The following SENP2 variants were observed in gnomAD, a reference collection of about 807,000 sequenced individuals.
The protein encoded by SENP2 is sentrin-specific protease 2.
SENP2 carries 16 observed loss-of-function variants against 86.3 expected under a neutral mutation model. The observed-to-expected ratio is 0.19, with a 90% CI of 0.13 to 0.28. The LOEUF is 0.28. Ranked by LOEUF, SENP2 falls within the 10% of genes least tolerant of loss-of-function variation. SENP2 has a pLI of 1.00. For missense variants in SENP2, 552 were observed against 703.0 expected (o/e 0.79, Z 2.43); for synonymous variants, 222 against 238.7 (o/e 0.93, Z 0.64).
intron 10 of SENP2, among the ~76,000 whole-genome samples, chr3:185,613,944 A>G (rs1711507768): frequency 1.3e-5 from 2 of 151,984 alleles, no homozygotes; most frequent in Admixed American, 6.6e-5. Flanking sequence ...TGAGAGACCA[A>G]TCTGCCTCCA....
intron 10 of SENP2, 195 bp downstream of exon 10, chr3:185,613,603 G>C: frequency 2.7e-6 from 1 of 367,254 alleles, no homozygotes; most frequent in Non-Finnish European, 4.9e-6. Context: ...GGCCAAGGCA[G>C]AAGGATCACT....
chr3:185,586,535 G>A lies in SENP2; in HGVS notation c.101+21G>A. ...GACAGGTGAGACGAGAGGGGGCTGA[G>A]CGCCAGCCTGGCCTTACCCCCTCCC... On this transcript the variant is annotated intron_variant, in intron 1 of 16. Coordinates refer to ENST00000296257, the MANE Select transcript of SENP2 (RefSeq NM_021627.3). The surrounding 1 kb of genome is among the most constrained non-coding windows in gnomAD (Gnocchi z 4.3). 1 of 1,604,700 alleles carries A rather than the reference G, an allele frequency of 6.2e-7. No individual in the cohort carries two copies. Among genetic ancestry groups the A allele is most frequent in the Non-Finnish European group, 8.5e-7 (1 of 1,175,462 alleles).
In SENP2 at chr3:185,632,445, G is replaced by A. The variant is rs1220578439; in HGVS notation, c.*2601G>A. 1 of 151,986 alleles carries A rather than the reference G, an allele frequency of 6.6e-6. No individual in the cohort carries two copies. The highest frequency in any genetic ancestry group is 1.5e-5 in the Non-Finnish European group (1 of 68,150). 9.4% of individuals were successfully genotyped at this position (151,986 alleles called of 1,614,324 possible). A position where few individuals can be genotyped will look rare whatever the true frequency, so the allele number is the denominator to read the frequency against. On this transcript the variant is annotated 3_prime_UTR_variant, in exon 17 of 17. Transcript: ENST00000296257. The stretch of plus-strand genomic sequence containing the variant: ...AGATGGGGTTTCGCCATGTTGGCCA[G>A]GCTGGTCTTGAACTGCTGACCTCAG...
At chr3:185,621,106 G>A (rs1306475552) in intron 13 of SENP2, among the ~76,000 whole-genome samples, 5 of 138,528 alleles carry the variant, frequency 3.6e-5, no homozygotes, top group Non-Finnish European at 6.1e-5. Context: ...GCAGTGAGCC[G>A]TGATCACACC....
At chr3:185,615,668 T>A (rs1306505004) in intron 11 of SENP2, among the ~76,000 whole-genome samples, 1 of 152,064 alleles carries the variant, frequency 6.6e-6, no homozygotes, top group Admixed American at 6.6e-5. Flanking sequence ...TTCTATTGGG[T>A]TTATAGATTT....
intron 5 of SENP2, among the ~76,000 whole-genome samples, chr3:185,605,132 G>A (rs1722470266): frequency 6.6e-6 from 1 of 150,916 alleles, no homozygotes; most frequent in African/African-American, 2.4e-5. Flanking sequence ...CACTTTGGGA[G>A]GCTGAAGCGC....
intron 5 of SENP2, among the ~76,000 whole-genome samples, chr3:185,602,832 T>TAA (rs1156317272): frequency 0.016 from 1,002 of 62,952 alleles, 35 homozygotes; most frequent in African/African-American, 0.058. Flanking sequence ...GACTCTGTCT[T>TAA]AAAAAAAAAA....
chr3:185,619,910 T>C (rs1414943173), intron 13 of SENP2, among the ~76,000 whole-genome samples: 2 of 151,938 alleles, frequency 1.3e-5, no homozygotes, highest in Non-Finnish European at 2.9e-5. Context: ...TTTATTTATA[T>C]ATTTGGAAAG....
intron 5 of SENP2, among the ~76,000 whole-genome samples, chr3:185,603,955 C>T (rs1722429527): frequency 6.6e-6 from 1 of 152,072 alleles, no homozygotes; most frequent in African/African-American, 2.4e-5. Context: ...AACCCCATCT[C>T]TACTAAAATA....
At chr3:185,604,953 A>G (rs1459280216) in intron 5 of SENP2, among the ~76,000 whole-genome samples, 1 of 150,820 alleles carries the variant, frequency 6.6e-6, no homozygotes, top group East Asian at 2.0e-4. Context: ...TTGGGGTTCC[A>G]CCATGTTGGC....
intron 3 of SENP2, 40 bp downstream of exon 3, chr3:185,598,585 A>G (rs375162066): frequency 6.4e-7 from 1 of 1,559,814 alleles, no homozygotes; most frequent in Non-Finnish European, 8.7e-7. Flanking sequence ...ACTGATCTTT[A>G]TACTTAATCA....
chr3:185,628,293 T>C (rs971662387), intron 16 of SENP2, among the ~76,000 whole-genome samples: 18 of 151,970 alleles, frequency 1.2e-4, no homozygotes, highest in African/African-American at 4.4e-4. Context: ...TGTACCACCA[T>C]GCCTGGCTAA....
intron 6 of SENP2, chr3:185,606,735 T>C: frequency 1.9e-6 from 1 of 526,816 alleles, no homozygotes. Context: ...CTTATGAGAT[T>C]GTCCAGATCA....
intron 3 of SENP2, 62 bp downstream of exon 3, chr3:185,598,607 A>G (rs981346975): frequency 1.5e-5 from 22 of 1,511,664 alleles, no homozygotes; most frequent in Non-Finnish European, 2.0e-5. Flanking sequence ...TATATTTTAG[A>G]AAATTCTCTC....
intron 5 of SENP2, among the ~76,000 whole-genome samples, chr3:185,601,203 C>T (rs1448087268): frequency 4.6e-5 from 7 of 151,912 alleles, no homozygotes; most frequent in Admixed American, 2.6e-4. Flanking sequence ...CCACACCATG[C>T]CCGGCTAATT....
intron 9 of SENP2, among the ~76,000 whole-genome samples, 181 bp downstream of exon 9, chr3:185,612,839 G>A (rs1025411369): frequency 6.6e-6 from 1 of 152,260 alleles, no homozygotes; most frequent in African/African-American, 2.4e-5. Context: ...AGCCTGGTGG[G>A]TTGAGGGGGG....
intron 11 of SENP2, among the ~76,000 whole-genome samples, chr3:185,616,007 C>T (rs990150028): frequency 3.3e-5 from 5 of 151,830 alleles, no homozygotes; most frequent in East Asian, 2.0e-4. Flanking sequence ...GGACTACAGG[C>T]GCGTGCCACC....
At chr3:185,628,123 C>A (rs1712231615) in intron 16 of SENP2, among the ~76,000 whole-genome samples, 1 of 151,966 alleles carries the variant, frequency 6.6e-6, no homozygotes, top group African/African-American at 2.4e-5. Context: ...GGGAGGACAT[C>A]ACTAGTTTAT....
chr3:185,589,804 C>G (rs1721916858), intron 1 of SENP2, among the ~76,000 whole-genome samples: 1 of 152,106 alleles, frequency 6.6e-6, no homozygotes, highest in South Asian at 2.1e-4. Context: ...TGGGACCACA[C>G]TCACTTACCA....
Sources: gnomAD v4.1 joint callset for allele counts (sites outside exome capture counted in the v4.1 genomes callset) on GRCh38, gnomAD v4.1.1 for gene constraint, Gnocchi (gnomAD v3.1) non-coding constraint, MANE v1.5 for transcripts, NCBI Gene and HGNC (gene_info 2026-07-23, HGNC 2026-07-21) for gene names.